The following LMO7 variants were observed in gnomAD, a reference collection of about 807,000 sequenced individuals.
LMO7 encodes the protein LIM domain only protein 7.
In LMO7, 120 loss-of-function variants were observed where a neutral mutation model predicts 206.5. The observed-to-expected ratio is 0.58, with a 90% CI of 0.50 to 0.68. The LOEUF (loss-of-function observed/expected upper bound fraction) is 0.68. LMO7 is among the 30% of genes least tolerant of loss of function. The probability of loss-of-function intolerance (pLI) is 0.00; values close to 1 mark genes in which losing one functional copy is unlikely to be tolerated. For missense variants in LMO7, 1,959 were observed against 1,957.9 expected, an observed-to-expected ratio of 1.00 and a Z score of -0.01; for synonymous variants, 706 against 681.5, an observed-to-expected ratio of 1.04 and a Z score of -0.56.
chr13:75,773,369 A>G (rs1466435880), intron 4 of LMO7, among the ~76,000 whole-genome samples: 1 of 152,176 alleles, frequency 6.6e-6, no homozygotes, highest in East Asian at 1.9e-4. Context: ...GATTATCACC[A>G]AAAACTTTTG....
At chr13:75,711,332 C>G (rs961596875) in intron 1 of LMO7, among the ~76,000 whole-genome samples, 3 of 152,152 alleles carry the variant, frequency 2.0e-5, no homozygotes, top group Non-Finnish European at 4.4e-5. Context: ...TTAGGGAGGA[C>G]TCCCTCTTTT....
chr13:75,813,178 G>T (rs2056612685), intron 11 of LMO7, among the ~76,000 whole-genome samples: 1 of 152,160 alleles, frequency 6.6e-6, no homozygotes, highest in Non-Finnish European at 1.5e-5. Flanking sequence ...AGGGAGGGAA[G>T]AATTCTTTGT....
At chr13:75,845,440 G>A in intron 26 of LMO7, 61 bp downstream of exon 26, 1 of 989,070 alleles carries the variant, frequency 1.0e-6, no homozygotes, top group Middle Eastern at 2.1e-4. Flanking sequence ...ATCATGTTAT[G>A]AGAAGTATTT....
chr13:75,712,995 A>C (rs1424463123), intron 1 of LMO7, among the ~76,000 whole-genome samples, 187 bp from the exon 2 acceptor site: 1 of 152,220 alleles, frequency 6.6e-6, no homozygotes, highest in Non-Finnish European at 1.5e-5. Flanking sequence ...AAATGGCTAA[A>C]CTATCTCTTT....
chr13:75,700,238 G>A (rs536664922), intron 1 of LMO7, among the ~76,000 whole-genome samples: 30 of 152,296 alleles, frequency 2.0e-4, no homozygotes, highest in African/African-American at 5.8e-4. Context: ...TACATCCTCA[G>A]CTTATGAAGA....
chr13:75,633,950 C>A (rs1018680861), upstream of LMO7, among the ~76,000 whole-genome samples: 4 of 141,406 alleles, frequency 2.8e-5, no homozygotes, highest in Admixed American at 3.1e-4. Context: ...CTGGTTCAAG[C>A]GATTCTCCTG....
At chr13:75,767,584 G>A (rs1464979431) in intron 4 of LMO7, among the ~76,000 whole-genome samples, 3 of 151,168 alleles carry the variant, frequency 2.0e-5, no homozygotes, top group Non-Finnish European at 4.4e-5. Flanking sequence ...CAAAAAAAAA[G>A]TCACATTAAC....
At chr13:75,689,808 AG>A (rs2041309240) in intron 1 of LMO7, among the ~76,000 whole-genome samples, 1 of 152,174 alleles carries the variant, frequency 6.6e-6, no homozygotes, top group Non-Finnish European at 1.5e-5. Flanking sequence ...TTGCACTGTC[AG>A]CTTCTCTAAC....
chr13:75,712,514 A>C (rs566048381), intron 1 of LMO7, among the ~76,000 whole-genome samples: 1 of 152,108 alleles, frequency 6.6e-6, no homozygotes, highest in African/African-American at 2.4e-5. Context: ...CACCAACATT[A>C]TTGGTGGTGG....
At chr13:75,808,332 T>A in intron 10 of LMO7, 133 bp downstream of exon 10, 1 of 1,063,286 alleles carries the variant, frequency 9.4e-7, no homozygotes, top group Non-Finnish European at 1.3e-6. Context: ...CCGTAAAATT[T>A]AATTTGCTTT....
intron 4 of LMO7, among the ~76,000 whole-genome samples, chr13:75,775,278 C>T (rs1310107826): frequency 2.6e-5 from 4 of 151,912 alleles, no homozygotes; most frequent in African/African-American, 9.7e-5. Context: ...TGAAACAGAA[C>T]CACACTTCTC....
chr13:75,643,337 T>C (rs913695762), intron 1 of LMO7, among the ~76,000 whole-genome samples: 3 of 152,356 alleles, frequency 2.0e-5, no homozygotes, highest in South Asian at 2.1e-4. Flanking sequence ...GACATCAACA[T>C]ATTTGCCCAA....
At chr13:75,735,058 A>G (rs1023284053) in intron 3 of LMO7, among the ~76,000 whole-genome samples, 1 of 151,216 alleles carries the variant, frequency 6.6e-6, no homozygotes, top group Non-Finnish European at 1.5e-5. Flanking sequence ...AGATCACGCC[A>G]CTGAACTCCA....
At chr13:75,686,902 A>C (rs2041055089) in intron 1 of LMO7, among the ~76,000 whole-genome samples, 1 of 152,130 alleles carries the variant, frequency 6.6e-6, no homozygotes, top group African/African-American at 2.4e-5. Context: ...ATGCGTCCTC[A>C]CATAGCAGAA....
intron 3 of LMO7, among the ~76,000 whole-genome samples, chr13:75,750,912 C>T (rs2047217758): frequency 6.6e-6 from 1 of 152,074 alleles, no homozygotes. Context: ...ACTGGGGTCC[C>T]ATGTCTATAA....
chr13:75,705,951 T>C (rs2042618872), intron 1 of LMO7, among the ~76,000 whole-genome samples: 1 of 143,518 alleles, frequency 7.0e-6, no homozygotes, highest in African/African-American at 2.5e-5. Context: ...ATTTATCTGC[T>C]AAGATGCAGC....
At chr13:75,647,157 T>C (rs1480521590) in intron 1 of LMO7, among the ~76,000 whole-genome samples, 2 of 152,216 alleles carry the variant, frequency 1.3e-5, no homozygotes, top group South Asian at 2.1e-4. Flanking sequence ...CAAGGACTTA[T>C]TTTGTTTTCA....
At chr13:75,768,852 A>C (rs529427708) in intron 4 of LMO7, among the ~76,000 whole-genome samples, 24 of 152,262 alleles carry the variant, frequency 1.6e-4, no homozygotes, top group Non-Finnish European at 3.2e-4. Flanking sequence ...GAGAAAACTT[A>C]GCTGCTCCTT....
chr13:75,719,541 G>C (rs990360595), intron 2 of LMO7, among the ~76,000 whole-genome samples: 3 of 152,084 alleles, frequency 2.0e-5, no homozygotes, highest in African/African-American at 2.4e-5. Context: ...CTGTTCTCAT[G>C]ATAGTGAGTG....
Sources: allele counts gnomAD v4.1 joint callset (sites outside exome capture counted in the v4.1 genomes callset), GRCh38; gene constraint gnomAD v4.1.1; transcripts MANE v1.5; gene names NCBI Gene and HGNC (gene_info 2026-07-23, HGNC 2026-07-21).